FUBP1: variants seen among roughly 807,000 people sequenced by gnomAD.
The protein encoded by FUBP1 is far upstream element-binding protein 1.
A neutral mutation model predicts 94.9 loss-of-function variants in FUBP1; 16 were observed. The observed-to-expected ratio is 0.17, with a 90% CI of 0.11 to 0.26. FUBP1 has a LOEUF of 0.26. FUBP1 is among the 10% of genes least tolerant of loss of function. The pLI is 1.00. For missense variants in FUBP1, 583 were observed against 808.6 expected (o/e 0.72, Z 3.38); for synonymous variants, 279 against 254.9 (o/e 1.09, Z -0.90).
chr1:77,972,791 G>GA (rs1214500350), intron 1 of FUBP1, among the ~76,000 whole-genome samples: 1 of 149,982 alleles, frequency 6.7e-6, no homozygotes, highest in South Asian at 2.1e-4. Context: ...GAAAAGAAAA[G>GA]AAAAGAAAAA....
At chr1:77,977,971 A>G (rs1659014958) in intron 1 of FUBP1, among the ~76,000 whole-genome samples, 1 of 152,242 alleles carries the variant, frequency 6.6e-6, no homozygotes, top group African/African-American at 2.4e-5. Flanking sequence ...AATTATCATT[A>G]GCTTAAAACT....
chr1:77,955,905 G>A lies in FUBP1; in HGVS notation c.1706-576C>T, dbSNP rs146631690. On this transcript the variant is annotated intron_variant, in intron 17 of 19. Transcript: ENST00000370768. ...AGCTCCTTGAAGAAATAGCTGACTC[G>A]AGGGCTGGAGCCCAGAAAGCACAAA... Among the ~76,000 whole-genome samples, 7 of 152,202 alleles carry A rather than the reference G, an allele frequency of 4.6e-5. No individual in the cohort carries two copies. In the East Asian group the frequency reaches 5.8e-4, roughly 13 times the overall value.
At chr1:77,965,873 C>T (rs530745990) in intron 7 of FUBP1, among the ~76,000 whole-genome samples, 13 of 152,138 alleles carry the variant, frequency 8.5e-5, no homozygotes, top group Non-Finnish European at 1.3e-4. Context: ...ATGGTGAAAC[C>T]CTGTCTCTAC....
chr1:77,949,038 AGTT>A (rs1344600852), intron 19 of FUBP1, 114 bp downstream of exon 19: 1 of 1,029,704 alleles, frequency 9.7e-7, no homozygotes, highest in Non-Finnish European at 1.5e-6. Context: ...TCATTTAAAT[AGTT>A]ATTATACTTT....
In FUBP1 at chr1:77,963,570, T is replaced by A. The variant is rs1310084297; in HGVS notation, c.1183+4A>T. ...TAAAACATTAAGAGTTTAAAATACATTGCCTTTTCCTATTATTAATCCAGT... is the reference window on the plus strand; with the variant it reads ...TAAAACATTAAGAGTTTAAAATACAATGCCTTTTCCTATTATTAATCCAGT... On this transcript the variant is annotated splice_donor_region_variant and intron_variant, in intron 13 of 19. Transcript: ENST00000370768. 1 of 1,534,180 alleles carries A rather than the reference T, an allele frequency of 6.5e-7. No homozygotes were observed. Among genetic ancestry groups the A allele is most frequent in the Non-Finnish European group, 9.0e-7 (1 of 1,108,756 alleles).
chr1:77,974,088 T>C lies in FUBP1; in HGVS notation c.121-4073A>G, dbSNP rs1020877642. Among the ~76,000 whole-genome samples, 5 of 151,618 alleles carry C rather than the reference T, an allele frequency of 3.3e-5. No individual in the cohort carries two copies. In the East Asian group the frequency reaches 5.8e-4, roughly 18 times the overall value. ...AATCCTCCCACCTCAGCCTTCTGGA[T>C]AGCTGGTACTACAGGCAAGCACCAC... On this transcript the variant is annotated intron_variant, in intron 1 of 19. Transcript: ENST00000370768.
Position 77,953,347 on chromosome 1 carries a change from C to T in FUBP1, c.1780+1908G>A, listed in dbSNP as rs889743308. On this transcript the variant is annotated intron_variant, in intron 18 of 19. Transcript: ENST00000370768. The stretch of plus-strand genomic sequence containing the variant: ...TCTACTAAATATACAAAAAATCAGC[C>T]GGATGTGGTAGCAGGCGCCTGTAAT... 4.6e-5 allele frequency among the ~76,000 whole-genome samples: 7 copies of T among 150,876 alleles called. No homozygotes were observed. In the East Asian group the frequency reaches 1.2e-3, roughly 26 times the overall value.
intron 16 of FUBP1, among the ~76,000 whole-genome samples, chr1:77,956,940 T>C (rs531959123): frequency 6.6e-6 from 1 of 152,318 alleles, no homozygotes; most frequent in South Asian, 2.1e-4. Flanking sequence ...AACTACTGAG[T>C]GGCATAACTG....
At chr1:77,965,383 C>A in intron 7 of FUBP1, 152 bp from the exon 8 acceptor site, 1 of 450,434 alleles carries the variant, frequency 2.2e-6, no homozygotes, top group Non-Finnish European at 3.9e-6. Context: ...TTACTTTTAA[C>A]TGAAAGAAAA....
Position 77,945,355 on chromosome 1 carries a change from CTT to C in FUBP1, c.*3409_*3410del, listed in dbSNP as rs1651937814. On this transcript the variant is annotated 3_prime_UTR_variant, in exon 20 of 20. Coordinates refer to ENST00000370768, the MANE Select transcript of FUBP1 (RefSeq NM_003902.5). ...TAAATGTGGTGTAGTAACTATGTAA[CTT>C]AAGAAATTTAACAGTTCATGGAACA... 6.6e-6 allele frequency among the ~76,000 whole-genome samples: 1 copy of C among 151,818 alleles called. No homozygotes were observed. The highest frequency in any genetic ancestry group is 1.5e-5 in the Non-Finnish European group (1 of 67,872).
chr1:77,963,247 T>C (rs1020447757), intron 13 of FUBP1, among the ~76,000 whole-genome samples: 1 of 152,174 alleles, frequency 6.6e-6, no homozygotes, highest in Non-Finnish European at 1.5e-5. Context: ...TTATAAACAT[T>C]CAAATTTTTA....
intron 13 of FUBP1, 72 bp from the exon 14 acceptor site, chr1:77,963,002 C>A: frequency 2.0e-6 from 2 of 994,848 alleles, no homozygotes; most frequent in South Asian, 3.4e-5. Context: ...AGAAAATGGT[C>A]ACAATTAAAT....
intron 6 of FUBP1, 53 bp from the exon 7 acceptor site, chr1:77,966,804 T>C: frequency 7.6e-7 from 1 of 1,310,998 alleles, no homozygotes; most frequent in Non-Finnish European, 1.1e-6. Context: ...AAAGTAGCAT[T>C]ATTGTTACTA....
At chr1:77,955,647 G>A (rs553378251) in intron 17 of FUBP1, among the ~76,000 whole-genome samples, 21 of 152,240 alleles carry the variant, frequency 1.4e-4, no homozygotes, top group Admixed American at 1.2e-3. Flanking sequence ...AAAGGAAAAG[G>A]CTTGAAAACC....
At chr1:77,972,318 C>T (rs1302647807) in intron 1 of FUBP1, among the ~76,000 whole-genome samples, 1 of 152,162 alleles carries the variant, frequency 6.6e-6, no homozygotes, top group Non-Finnish European at 1.5e-5. Flanking sequence ...ATACCTTCTG[C>T]AGTTAGCTTT....
In FUBP1 at chr1:77,947,681, G is replaced by A. The variant is rs1206526085; in HGVS notation, c.*1085C>T. On this transcript the variant is annotated 3_prime_UTR_variant, in exon 20 of 20. Transcript: ENST00000370768. ...AAAATATCAGAACTTCAGCATGAGT[G>A]TTAAAGAGTAATAAAATGACTTCAA... The A allele has an allele frequency of 3.2e-6, 2 of 617,904 alleles. No homozygotes were observed. Among genetic ancestry groups the A allele is most frequent in the Admixed American group, 2.4e-5 (1 of 41,538 alleles). 38.3% of individuals were successfully genotyped at this position (617,904 alleles called of 1,614,324 possible).
chr1:77,954,305 TAA>T (rs1222392415), intron 18 of FUBP1, among the ~76,000 whole-genome samples: 1 of 152,202 alleles, frequency 6.6e-6, no homozygotes, highest in Non-Finnish European at 1.5e-5. Flanking sequence ...GTTTTTAAGT[TAA>T]AAGTTTCTTT....
In FUBP1 at chr1:77,960,392, G is replaced by T; in HGVS notation, c.1448C>A (p.Pro483Gln). 7 of 1,597,532 alleles carry T rather than the reference G, an allele frequency of 4.4e-6. No homozygotes were observed. The highest frequency in any genetic ancestry group is 6.0e-6 in the Non-Finnish European group (7 of 1,176,356). Residue 483 changes from proline to glutamine, a missense_variant, in exon 15 of 20, where the codon CCA becomes CAA. Coordinates refer to ENST00000370768, the MANE Select transcript of FUBP1 (RefSeq NM_003902.5). ...GPPGPGTPMG[P>Q]YNPAPYNPGP... is the part of the protein sequence containing the mutation. Reference sequence around the variant, plus strand: ...AGGATTATAAGGTGCAGGGTTGTATGGTCCCATTGGAGTTCCAGGCCCTGG... The same window carrying T: ...AGGATTATAAGGTGCAGGGTTGTATTGTCCCATTGGAGTTCCAGGCCCTGG...
At chr1:77,976,397 G>C (rs2102525093) in intron 1 of FUBP1, among the ~76,000 whole-genome samples, 1 of 152,220 alleles carries the variant, frequency 6.6e-6, no homozygotes, top group African/African-American at 2.4e-5. Flanking sequence ...CAGGACAACT[G>C]ATCTATTAGC....
Sources: gnomAD v4.1 joint callset for allele counts (sites outside exome capture counted in the v4.1 genomes callset) on GRCh38, gnomAD v4.1.1 for gene constraint, MANE v1.5 for transcripts, NCBI Gene and HGNC (gene_info 2026-07-23, HGNC 2026-07-21) for gene names.